The following OGFR variants were observed in gnomAD, a reference collection of about 807,000 sequenced individuals.
The protein encoded by OGFR is opioid growth factor receptor.
In OGFR, 18 loss-of-function variants were observed where a neutral mutation model predicts 33.6. The observed-to-expected ratio is 0.54, with a 90% CI of 0.37 to 0.80. The LOEUF (loss-of-function observed/expected upper bound fraction) is 0.80. Ranked by LOEUF, OGFR falls within the 30% of genes least tolerant of loss-of-function variation. The pLI is 0.00. For synonymous variants in OGFR, 370 were observed against 400.7 expected, an observed-to-expected ratio of 0.92 and a Z score of 0.91; for missense variants, 877 against 955.8, an observed-to-expected ratio of 0.92 and a Z score of 1.09.
At position 62,804,955 on chromosome 20, in the gene OGFR, C is replaced by G; in HGVS notation, c.96C>G (p.Gly32=). ...DEDCEDGEAA[G]ARDADAGDED... ...ACTGCGAGGACGGCGAGGCCGCCGG[C>G]GCGAGGGACGCGGACGCAGGGGACG... Residue 32 remains glycine (G), a synonymous_variant, in exon 1 of 7, where the codon GGC becomes GGG. Coordinates refer to ENST00000290291, the MANE Select transcript of OGFR (RefSeq NM_007346.4). The G allele has an allele frequency of 6.7e-7, 1 of 1,489,460 alleles. No individual in the cohort carries two copies. The allele number at this position is 1,489,460 out of a possible 1,614,324, so 92.3% of individuals were successfully genotyped here. A position where few individuals can be genotyped will look rare whatever the true frequency, so the allele number is the denominator to read the frequency against.
At position 62,812,430 on chromosome 20, in the gene OGFR, A is replaced by G; in HGVS notation, c.815A>G (p.His272Arg). ...CGACACCAGCGCCGCCAGCTGGTGC[A>G]CTTCGCCTGGGAGCACTTCCGGCCC... ...RCRHQRRQLV[H>R]FAWEHFRPRC... The change falls in exon 7 of 7, where the codon CAC becomes CGC. Residue 272 changes from histidine (H) to arginine (R), a missense_variant. Physicochemically the swap from His to Arg is conservative, Grantham distance 29. Coordinates refer to ENST00000290291, the MANE Select transcript of OGFR (RefSeq NM_007346.4). 2 of 1,580,930 alleles carry G rather than the reference A, an allele frequency of 1.3e-6. No individual in the cohort carries two copies. The highest frequency in any genetic ancestry group is 1.8e-5 in the Admixed American group (1 of 55,668).
rs1381278176 is a variant in OGFR at position 62,810,643 on chromosome 20, G to A, written c.465+78G>A. 1.9e-5 allele frequency: 27 copies of A among 1,398,116 alleles called. No homozygotes were observed. In the East Asian group the frequency reaches 3.7e-4, roughly 19 times the overall value. 86.6% of individuals were successfully genotyped at this position (1,398,116 alleles called of 1,614,324 possible). On this transcript the variant is annotated intron_variant, in intron 5 of 6. Transcript: ENST00000290291. ...GCCACGCCGCTGCAGAGACGGGGTC[G>A]CCTCTGGCAGTAGGCATTTGGTGCC...
At position 62,812,212 on chromosome 20, in the gene OGFR, G is replaced by T; in HGVS notation, c.615-18G>T. The T allele has an allele frequency of 6.7e-7, 1 of 1,485,184 alleles. No individual in the cohort carries two copies. The highest frequency in any genetic ancestry group is 1.4e-5 in the South Asian group (1 of 73,228). 92.0% of individuals were successfully genotyped at this position (1,485,184 alleles called of 1,614,324 possible). A position where few individuals can be genotyped will look rare whatever the true frequency, so the allele number is the denominator to read the frequency against. On this transcript the variant is annotated intron_variant, in intron 6 of 6. Coordinates refer to ENST00000290291, the MANE Select transcript of OGFR (RefSeq NM_007346.4). The stretch of plus-strand genomic sequence containing the variant: ...GGGGCCCCAGCCATTGACCTCTCCT[G>T]ACCCGGATCTCTCGCAGGCGCAGCC...
In OGFR at chr20:62,813,349, A is replaced by G. The variant is rs1461889470; in HGVS notation, c.1734A>G (p.Pro578=). 1.0e-5 allele frequency: 16 copies of G among 1,529,878 alleles called. No homozygotes were observed. Among genetic ancestry groups the G allele is most frequent in the Middle Eastern group, 2.3e-4 (1 of 4,360 alleles). The allele number at this position is 1,529,878 out of a possible 1,614,324, so 94.8% of individuals were successfully genotyped here. A position where few individuals can be genotyped will look rare whatever the true frequency, so the allele number is the denominator to read the frequency against. Residue 578 remains proline, a synonymous_variant, in exon 7 of 7, where the codon CCA becomes CCG. Coordinates refer to ENST00000290291, the MANE Select transcript of OGFR (RefSeq NM_007346.4). ...CAGGGGACGAGCCAGCCGAGAGCCC[A>G]TCGGAGACCCCAGGCCCCAGCCCGG... ...GPAGDEPAES[P]SETPGPSPAG... is the part of the protein sequence containing the mutation.
rs202002573 is a variant in OGFR, at chr20:62,812,874, G to A, written c.1259G>A (p.Ser420Asn). The part of the protein sequence containing the change: ...IALNLEGCAL[S>N]QGSLRTGTQE... ...CTGAATTTGGAGGGGTGTGCCCTCA[G>A]CCAGGGCAGCCTCAGGACGGGGACC... Residue 420 changes from serine (S) to asparagine (N), a missense_variant, in exon 7 of 7, where the codon AGC becomes AAC. Coordinates refer to ENST00000290291, the MANE Select transcript of OGFR (RefSeq NM_007346.4). The A allele has an allele frequency of 5.0e-6, 8 of 1,612,512 alleles. No homozygotes were observed. The highest frequency in any genetic ancestry group is 6.8e-6 in the Non-Finnish European group (8 of 1,179,950).
In OGFR at chr20:62,804,907, T is replaced by C. The variant is rs1990546074; in HGVS notation, c.48T>C (p.Asp16=). The part of the protein sequence containing the change: ...CDSTWEEDEE[D]AEDAEDEDCE... ...CCACCTGGGAGGAGGACGAGGAGGATGCGGAGGACGCGGAGGACGAGGACT... is the reference window on the plus strand; with the variant it reads ...CCACCTGGGAGGAGGACGAGGAGGACGCGGAGGACGCGGAGGACGAGGACT... Residue 16 remains aspartate (D), a synonymous_variant, in exon 1 of 7, where the codon GAT becomes GAC. Coordinates refer to ENST00000290291, the MANE Select transcript of OGFR (RefSeq NM_007346.4). 6.7e-7 allele frequency: 1 copy of C among 1,494,492 alleles called. No individual in the cohort carries two copies. Among genetic ancestry groups the C allele is most frequent in the Non-Finnish European group, 8.9e-7 (1 of 1,122,466 alleles). The allele number at this position is 1,494,492 out of a possible 1,614,324, so 92.6% of individuals were successfully genotyped here.
chr20:62,808,575 C>T (rs1301013092), intron 3 of OGFR, among the ~76,000 whole-genome samples: 3 of 152,324 alleles, frequency 2.0e-5, no homozygotes, highest in East Asian at 1.9e-4. Context: ...CTTTTCAGGC[C>T]ACACAGTCTC....
rs111984817 is a variant in OGFR, at chr20:62,808,446, C to T, written c.319+121C>T. ...CAGGGCCACGGCTTTCAAATAGCCC[C>T]ACAGTGCCCCCTGGAGGCGGCCAGA... On this transcript the variant is annotated intron_variant, in intron 3 of 6. Coordinates refer to ENST00000290291, the MANE Select transcript of OGFR (RefSeq NM_007346.4). The T allele has an allele frequency of 4.1e-6, 3 of 723,726 alleles. No homozygotes were observed. The African/African-American group carries it at 5.2e-5, about 13-fold the overall frequency. The allele number at this position is 723,726 out of a possible 1,614,324, so 44.8% of individuals were successfully genotyped here.
rs535677979 is a variant in OGFR, at chr20:62,808,007, TGAG to T, written c.241-235_241-233del. 9.1e-4 allele frequency: 559 copies of T among 612,150 alleles called. 3 individuals are homozygous for T. The highest frequency in any genetic ancestry group is 8.9e-3 in the African/African-American group (481 of 54,050). 37.9% of individuals were successfully genotyped at this position (612,150 alleles called of 1,614,324 possible). ...AACCCCTGTGCTGCCTTCAGGGTGCTGAGGAGGGGACCTGCCAGGCCTGGCCTG... is the reference window on the plus strand; with the variant it reads ...AACCCCTGTGCTGCCTTCAGGGTGCTGAGGGGACCTGCCAGGCCTGGCCTG... On this transcript the variant is annotated intron_variant, in intron 2 of 6. Transcript: ENST00000290291.
rs975230249 is a variant in OGFR at position 62,808,416 on chromosome 20, A to G, written c.319+91A>G. ...GCCCTGGTTTGGGATGTACCCGGCG[A>G]TTACCAGGGCCACGGCTTTCAAATA... On this transcript the variant is annotated intron_variant, in intron 3 of 6. Transcript: ENST00000290291. 9 of 931,330 alleles carry G rather than the reference A, an allele frequency of 9.7e-6. No individual in the cohort carries two copies. The African/African-American group carries it at 1.3e-4, about 13-fold the overall frequency. The allele number at this position is 931,330 out of a possible 1,614,324, so 57.7% of individuals were successfully genotyped here. A position where few individuals can be genotyped will look rare whatever the true frequency, so the allele number is the denominator to read the frequency against.
rs1990809934 is a variant in OGFR at position 62,813,823 on chromosome 20, A to G, written c.*174A>G. 1.4e-6 allele frequency: 1 copy of G among 732,034 alleles called. No individual in the cohort carries two copies. Among genetic ancestry groups the G allele is most frequent in the Non-Finnish European group, 2.2e-6 (1 of 450,742 alleles). The allele number at this position is 732,034 out of a possible 1,614,324, so 45.3% of individuals were successfully genotyped here. A position where few individuals can be genotyped will look rare whatever the true frequency, so the allele number is the denominator to read the frequency against. ...AGCCACCAGAAGCCGCGAGGCCCTCAGGGAAGCCCAAGGCCTGCAGAAGCC... is the reference window on the plus strand; with the variant it reads ...AGCCACCAGAAGCCGCGAGGCCCTCGGGGAAGCCCAAGGCCTGCAGAAGCC... On this transcript the variant is annotated 3_prime_UTR_variant, in exon 7 of 7. Coordinates refer to ENST00000290291, the MANE Select transcript of OGFR (RefSeq NM_007346.4).
Position 62,812,432 on chromosome 20 carries a change from T to G in OGFR, c.817T>G (p.Phe273Val). ...CRHQRRQLVH[F>V]AWEHFRPRCK... ...ACACCAGCGCCGCCAGCTGGTGCAC[T>G]TCGCCTGGGAGCACTTCCGGCCCCG... Residue 273 changes from phenylalanine (F) to valine (V), a missense_variant, in exon 7 of 7, where the codon TTC (phenylalanine) becomes GTC (valine). Physicochemically the swap from Phe to Val is conservative, Grantham distance 50. Coordinates refer to ENST00000290291, the MANE Select transcript of OGFR (RefSeq NM_007346.4). 1 of 1,585,146 alleles carries G rather than the reference T, an allele frequency of 6.3e-7. No homozygotes were observed. The highest frequency in any genetic ancestry group is 1.8e-5 in the Admixed American group (1 of 56,282).
Position 62,804,993 on chromosome 20 carries a change from C to A in OGFR, c.134C>A (p.Ser45Ter). 1 of 1,471,600 alleles carries A rather than the reference C, an allele frequency of 6.8e-7. No individual in the cohort carries two copies. Among genetic ancestry groups the A allele is most frequent in the Non-Finnish European group, 9.0e-7 (1 of 1,113,842 alleles). The allele number at this position is 1,471,600 out of a possible 1,614,324, so 91.2% of individuals were successfully genotyped here. A position where few individuals can be genotyped will look rare whatever the true frequency, so the allele number is the denominator to read the frequency against. The change falls in exon 1 of 7, where the codon TCG (serine) becomes TAG (stop). Residue 45 changes from serine to a stop codon, truncating the protein, a stop_gained. Transcript: ENST00000290291. LOFTEE classifies it high-confidence loss of function. ...DADAGDEDEE[S>*]EEPRAARPSS... is the part of the protein sequence containing the mutation. ...GACGCAGGGGACGAGGACGAGGAGTCGGAGGAGCCGCGGGCGGCGCGGCCC... is the reference window on the plus strand; with the variant it reads ...GACGCAGGGGACGAGGACGAGGAGTAGGAGGAGCCGCGGGCGGCGCGGCCC...
At position 62,811,618 on chromosome 20, in the gene OGFR, C is replaced by G. The variant is rs1326304471; in HGVS notation, c.614+8C>G. 7 of 1,556,978 alleles carry G rather than the reference C, an allele frequency of 4.5e-6. No homozygotes were observed. In the Middle Eastern group the frequency reaches 6.8e-4, roughly 150 times the overall value. On this transcript the variant is annotated splice_region_variant and intron_variant, in intron 6 of 6. Coordinates refer to ENST00000290291, the MANE Select transcript of OGFR (RefSeq NM_007346.4). ...CTTCCAGAACCTGAACTGGTGAGGC[C>G]CGGCTGCTCCCGCCCACCCCCACCC...
In OGFR at chr20:62,813,216, C is replaced by T. The variant is rs1487402920; in HGVS notation, c.1601C>T (p.Pro534Leu). ...PSPAGPAGDE[P>L]AESPSETPGP... ...CCAGCAGGACCTGCAGGGGACGAGC[C>T]AGCCGAGAGCCCATCGGAGACCCCA... The change falls in exon 7 of 7, where the codon CCA becomes CTA. Residue 534 changes from proline (P) to leucine (L), a missense_variant. Around this residue, in one of 3 missense-constraint regions of OGFR, gnomAD observed 72 missense variants for 181.8 expected, o/e 0.40. Coordinates refer to ENST00000290291, the MANE Select transcript of OGFR (RefSeq NM_007346.4). 9 of 1,521,742 alleles carry T rather than the reference C, an allele frequency of 5.9e-6. No homozygotes were observed. The highest frequency in any genetic ancestry group is 6.3e-6 in the Non-Finnish European group (7 of 1,114,484). The allele number at this position is 1,521,742 out of a possible 1,614,324, so 94.3% of individuals were successfully genotyped here. A position where few individuals can be genotyped will look rare whatever the true frequency, so the allele number is the denominator to read the frequency against.
intron 2 of OGFR, 129 bp downstream of exon 2, chr20:62,807,734 C>A: frequency 1.1e-6 from 1 of 919,684 alleles, no homozygotes; most frequent in Non-Finnish European, 1.7e-6. Flanking sequence ...TGGGCAGGAC[C>A]CTGCCTGGGG....
chr20:62,804,964 C>A lies in OGFR; in HGVS notation c.105C>A (p.Asp35Glu), dbSNP rs1990549116. Residue 35 changes from aspartate (D) to glutamate (E), a missense_variant, in exon 1 of 7, where the codon GAC becomes GAA. By Grantham distance (45) the Asp-to-Glu change is conservative. Transcript: ENST00000290291. ...CEDGEAAGAR[D>E]ADAGDEDEES... Reference sequence around the variant, plus strand: ...ACGGCGAGGCCGCCGGCGCGAGGGACGCGGACGCAGGGGACGAGGACGAGG... The same window carrying A: ...ACGGCGAGGCCGCCGGCGCGAGGGAAGCGGACGCAGGGGACGAGGACGAGG... 2.0e-6 allele frequency: 3 copies of A among 1,489,836 alleles called. No homozygotes were observed. In the South Asian group the frequency reaches 3.8e-5, roughly 19 times the overall value. 92.3% of individuals were successfully genotyped at this position (1,489,836 alleles called of 1,614,324 possible). A position where few individuals can be genotyped will look rare whatever the true frequency, so the allele number is the denominator to read the frequency against.
At chr20:62,810,691 C>A in intron 5 of OGFR, 126 bp downstream of exon 5, 2 of 794,298 alleles carry the variant, frequency 2.5e-6, no homozygotes, top group Non-Finnish European at 4.1e-6. Context: ...CCTTGGAAGG[C>A]AGAAGGGCCG....
At chr20:62,811,127 T>C (rs1464751923) in intron 5 of OGFR, among the ~76,000 whole-genome samples, 1 of 152,182 alleles carries the variant, frequency 6.6e-6, no homozygotes, top group Non-Finnish European at 1.5e-5. Flanking sequence ...TTTGAGAGGC[T>C]GAGGCGGGTG....
Sources: allele counts gnomAD v4.1 joint callset (sites outside exome capture counted in the v4.1 genomes callset), GRCh38; gene constraint gnomAD v4.1.1; regional missense constraint gnomAD v4.1.1; transcripts MANE v1.5; gene names NCBI Gene and HGNC (gene_info 2026-07-23, HGNC 2026-07-21).